UBAP1L: variants seen among roughly 807,000 people sequenced by gnomAD.
UBAP1L encodes the protein ubiquitin-associated protein 1-like.
Under a neutral mutation model 32.1 loss-of-function variants are expected in UBAP1L, and 32 were observed. The ratio of observed to expected loss-of-function variants is 1.00; its 90% CI spans 0.75 to 1.34. The LOEUF is 1.34. UBAP1L is among the 40% of genes most tolerant of loss of function. The pLI is 0.00. For missense variants in UBAP1L, 516 were observed against 540.5 expected, an observed-to-expected ratio of 0.95 and a Z score of 0.45; for synonymous variants, 243 against 250.2, an observed-to-expected ratio of 0.97 and a Z score of 0.27.
Position 65,093,152 on chromosome 15 carries a change from A to C in UBAP1L, c.1091T>G (p.Val364Gly). The part of the protein sequence containing the change: ...QQDRIKEVLL[V>G]HGNRREQALE... ...GGCTTGCTCTCGGCGGTTGCCATGG[A>C]CCAGCAGCACCTCCTTGATCCGGTC... Residue 364 changes from valine (V) to glycine (G), a missense_variant, in exon 6 of 6, where the codon GTC becomes GGC. Val to Gly is a moderately radical substitution (Grantham distance 109). Coordinates refer to ENST00000559089, the MANE Select transcript of UBAP1L (RefSeq NM_001163692.2). 6.5e-7 allele frequency: 1 copy of C among 1,547,782 alleles called. No individual in the cohort carries two copies. Among genetic ancestry groups the C allele is most frequent in the East Asian group, 2.5e-5 (1 of 40,666 alleles).
chr15:65,097,363 T>C (rs2087186895), intron 4 of UBAP1L: 1 of 152,376 alleles, frequency 6.6e-6, no homozygotes, highest in African/African-American at 2.4e-5. Flanking sequence ...GCCAGGACTC[T>C]GGCTTTTCAG....
chr15:65,107,315 C>T (rs564802118), intron 1 of UBAP1L, among the ~76,000 whole-genome samples: 68 of 139,872 alleles, frequency 4.9e-4, no homozygotes, highest in South Asian at 1.6e-3. Context: ...AGCCTGACAA[C>T]GGAGCAAGAT....
chr15:65,095,999 C>T (rs2087169324), intron 4 of UBAP1L: 1 of 152,146 alleles, frequency 6.6e-6, no homozygotes, highest in African/African-American at 2.4e-5. Context: ...AGGCAGGTGC[C>T]TTGTCCGGGG....
chr15:65,109,120 C>G (rs111312953), intron 1 of UBAP1L, among the ~76,000 whole-genome samples: 3,953 of 141,784 alleles, frequency 0.028, 126 homozygotes, highest in African/African-American at 0.075. Context: ...TCACACCACT[C>G]TACTCCAGCC....
chr15:65,096,154 G>A (rs573704592), intron 4 of UBAP1L: 3 of 152,386 alleles, frequency 2.0e-5, no homozygotes, highest in East Asian at 3.9e-4. Flanking sequence ...GAAGGAGGGC[G>A]GGCAAGGATG....
In UBAP1L at chr15:65,102,091, G is replaced by T; in HGVS notation, c.699+15C>A. Reference sequence around the variant, plus strand: ...TGCTGATTGGCGGCCTTGGAGGGGCGGGCAGAATCCTTACCGCGACCGTAG... The same window carrying T: ...TGCTGATTGGCGGCCTTGGAGGGGCTGGCAGAATCCTTACCGCGACCGTAG... On this transcript the variant is annotated intron_variant, in intron 3 of 5. Coordinates refer to ENST00000559089, the MANE Select transcript of UBAP1L (RefSeq NM_001163692.2). The surrounding 1 kb of genome is among the most constrained non-coding windows in gnomAD (Gnocchi z 5.0). 1.7e-6 allele frequency: 2 copies of T among 1,175,020 alleles called. No homozygotes were observed. Among genetic ancestry groups the T allele is most frequent in the Non-Finnish European group, 2.1e-6 (2 of 942,582 alleles). The allele number at this position is 1,175,020 out of a possible 1,614,324, so 72.8% of individuals were successfully genotyped here.
Position 65,094,758 on chromosome 15 carries a change from G to T in UBAP1L, c.910-182C>A. On this transcript the variant is annotated intron_variant, in intron 4 of 5. Transcript: ENST00000559089. This position sits in a 1 kb window ranked among gnomAD's most constrained non-coding sequence, Gnocchi z 4.2. ...AGGGGGATAGAGGCTTTCTCTGAGT[G>T]CCTGGCGATAGGCAGACAATGGGTC... The T allele has an allele frequency of 1.6e-6, 1 of 613,800 alleles. No individual in the cohort carries two copies. The highest frequency in any genetic ancestry group is 2.9e-6 in the Non-Finnish European group (1 of 341,918). The allele number at this position is 613,800 out of a possible 1,614,324, so 38.0% of individuals were successfully genotyped here.
chr15:65,093,170 A>T lies in UBAP1L; in HGVS notation c.1073T>A (p.Ile358Asn), dbSNP rs1368781715. The T allele has an allele frequency of 6.5e-7, 1 of 1,550,096 alleles. No individual in the cohort carries two copies. Among genetic ancestry groups the T allele is most frequent in the Non-Finnish European group, 8.7e-7 (1 of 1,146,728 alleles). ...FSDMGFQQDRIKEVLLVHGNR... is the reference protein window; with the variant it reads ...FSDMGFQQDRNKEVLLVHGNR... ...GCCATGGACCAGCAGCACCTCCTTG[A>T]TCCGGTCCTGCTGGAAGCCCATGTC... The change falls in exon 6 of 6, where the codon ATC becomes AAC. Residue 358 changes from isoleucine (I) to asparagine (N), a missense_variant. Coordinates refer to ENST00000559089, the MANE Select transcript of UBAP1L (RefSeq NM_001163692.2).
At chr15:65,112,584 G>A (rs925394564) in intron 1 of UBAP1L, among the ~76,000 whole-genome samples, 1 of 152,104 alleles carries the variant, frequency 6.6e-6, no homozygotes, top group Non-Finnish European at 1.5e-5. Context: ...CATTAGTATT[G>A]TTTCCAAAGG....
At chr15:65,108,225 TGGAAAG>T (rs2087338119) in intron 1 of UBAP1L, among the ~76,000 whole-genome samples, 2 of 151,874 alleles carry the variant, frequency 1.3e-5, no homozygotes. Flanking sequence ...GTAGAGTAGC[TGGAAAG>T]GGAAAGTCTT....
At position 65,094,781 on chromosome 15, in the gene UBAP1L, G is replaced by T; in HGVS notation, c.910-205C>A. On this transcript the variant is annotated intron_variant, in intron 4 of 5. Transcript: ENST00000559089. This position sits in a 1 kb window ranked among gnomAD's most constrained non-coding sequence, Gnocchi z 4.2. ...GTGCCTGGCGATAGGCAGACAATGG[G>T]TCTTCACCAACTATGCCAAGCTGGG... The T allele has an allele frequency of 1.7e-6, 1 of 594,792 alleles. No individual in the cohort carries two copies. Among genetic ancestry groups the T allele is most frequent in the Non-Finnish European group, 3.0e-6 (1 of 331,066 alleles). 36.8% of individuals were successfully genotyped at this position (594,792 alleles called of 1,614,324 possible).
Position 65,094,844 on chromosome 15 carries a change from G to C in UBAP1L, c.910-268C>G, listed in dbSNP as rs927543029. 1.9e-6 allele frequency: 1 copy of C among 517,356 alleles called. No homozygotes were observed. Among genetic ancestry groups the C allele is most frequent in the Non-Finnish European group, 3.5e-6 (1 of 284,126 alleles). 32.0% of individuals were successfully genotyped at this position (517,356 alleles called of 1,614,324 possible). ...GGAAAAGGGCTGTCAGGGTGGGCTA[G>C]GGTGTTCATAGAACCTAGGTGGGGA... On this transcript the variant is annotated intron_variant, in intron 4 of 5. Coordinates refer to ENST00000559089, the MANE Select transcript of UBAP1L (RefSeq NM_001163692.2). The surrounding 1 kb of genome is among the most constrained non-coding windows in gnomAD (Gnocchi z 4.2).
In UBAP1L at chr15:65,102,560, C is replaced by A; in HGVS notation, c.245G>T (p.Ser82Ile). The change falls in exon 3 of 6, where the codon AGC becomes ATC. Residue 82 changes from serine to isoleucine, a missense_variant. By Grantham distance (142) the Ser-to-Ile change is moderately radical (BLOSUM62 -2). Coordinates refer to ENST00000559089, the MANE Select transcript of UBAP1L (RefSeq NM_001163692.2). This position sits in a 1 kb window ranked among gnomAD's most constrained non-coding sequence, Gnocchi z 5.0. ...SAPPAWLLLV[S>I]PEHGLAPAPT... is the part of the protein sequence containing the mutation. Reference sequence around the variant, plus strand: ...CGCAGGCGCCAGCCCATGTTCGGGGCTGACTAGCAAGAGCCAGGCTGGAGG... The same window carrying A: ...CGCAGGCGCCAGCCCATGTTCGGGGATGACTAGCAAGAGCCAGGCTGGAGG... 6.5e-7 allele frequency: 1 copy of A among 1,539,114 alleles called. No individual in the cohort carries two copies.
intron 1 of UBAP1L, among the ~76,000 whole-genome samples, chr15:65,114,111 C>T (rs1002850867): frequency 7.9e-5 from 12 of 151,690 alleles, no homozygotes; most frequent in Non-Finnish European, 1.6e-4. Flanking sequence ...GTCTTGAACT[C>T]GTGACCTTGT....
At chr15:65,113,421 G>A (rs2087382044) in intron 1 of UBAP1L, among the ~76,000 whole-genome samples, 1 of 152,086 alleles carries the variant, frequency 6.6e-6, no homozygotes, top group Non-Finnish European at 1.5e-5. Context: ...TACTTGCTAA[G>A]TTCTTCCCTG....
At position 65,106,360 on chromosome 15, in the gene UBAP1L, C is replaced by T. The variant is rs2087312090; in HGVS notation, c.-145G>A. On this transcript the variant is annotated 5_prime_UTR_variant, in exon 2 of 6. Coordinates refer to ENST00000559089, the MANE Select transcript of UBAP1L (RefSeq NM_001163692.2). ...GGTCACTTAGCTGAGCCCCAAACAG[C>T]TGGAAAGGAAAAGGTGAGGGGGCCA... 1 of 993,090 alleles carries T rather than the reference C, an allele frequency of 1.0e-6. No homozygotes were observed. 61.5% of individuals were successfully genotyped at this position (993,090 alleles called of 1,614,324 possible). A position where few individuals can be genotyped will look rare whatever the true frequency, so the allele number is the denominator to read the frequency against.
chr15:65,102,109 G>T lies in UBAP1L; in HGVS notation c.696C>A (p.Val232=), dbSNP rs2140563316. 8.3e-7 allele frequency: 1 copy of T among 1,201,096 alleles called. No individual in the cohort carries two copies. The highest frequency in any genetic ancestry group is 1.0e-6 in the Non-Finnish European group (1 of 965,834). 74.4% of individuals were successfully genotyped at this position (1,201,096 alleles called of 1,614,324 possible). A position where few individuals can be genotyped will look rare whatever the true frequency, so the allele number is the denominator to read the frequency against. The change falls in exon 3 of 6, where the codon GTC becomes GTA. Residue 232 remains valine (V), a synonymous_variant. Coordinates refer to ENST00000559089, the MANE Select transcript of UBAP1L (RefSeq NM_001163692.2). This position sits in a 1 kb window ranked among gnomAD's most constrained non-coding sequence, Gnocchi z 5.0. The stretch of plus-strand genomic sequence containing the variant: ...GAGGGGCGGGCAGAATCCTTACCGC[G>T]ACCGTAGGCTTGTGGCTCCGCAGCG... The part of the protein sequence containing the change: ...IPPLRSHKPT[V]ASLSPYTCLP...
intron 5 of UBAP1L, among the ~76,000 whole-genome samples, chr15:65,093,668 ACT>A (rs1282708574): frequency 6.6e-6 from 1 of 151,166 alleles, no homozygotes; most frequent in African/African-American, 2.4e-5. Context: ...ACCTCTGCTC[ACT>A]CTCTCCTTCT....
At chr15:65,105,814 C>T (rs142602619) in intron 2 of UBAP1L, 30 of 707,420 alleles carry the variant, frequency 4.2e-5, no homozygotes, top group East Asian at 1.3e-4. Context: ...GTTTTTGAGA[C>T]GAAGTCTCAC....
Sources: gnomAD v4.1 joint callset for allele counts (sites outside exome capture counted in the v4.1 genomes callset) on GRCh38, gnomAD v4.1.1 for gene constraint, Gnocchi (gnomAD v3.1) non-coding constraint, MANE v1.5 for transcripts, NCBI Gene and HGNC (gene_info 2026-07-23, HGNC 2026-07-21) for gene names.